Variants in HS3ST4 observed in about 807,000 individuals in gnomAD.
HS3ST4 encodes the protein heparan sulfate-glucosamine 3-sulfotransferase 4.
Under a neutral mutation model 29.2 loss-of-function variants are expected in HS3ST4, and 17 were observed. That is an observed-to-expected ratio of 0.58 (90% CI 0.40 to 0.87). The LOEUF is 0.87. Among genes scored for constraint, HS3ST4 ranks in the 40% least tolerant of loss-of-function variants. The pLI is 0.00. For synonymous variants in HS3ST4, 314 were observed against 285.7 expected, an observed-to-expected ratio of 1.10 and a Z score of -1.00; for missense variants, 627 against 634.5, an observed-to-expected ratio of 0.99 and a Z score of 0.13.
chr16:25,792,731 G>A (rs115810998), intron 1 of HS3ST4, among the ~76,000 whole-genome samples: 2,174 of 151,150 alleles, frequency 0.014, 51 homozygotes, highest in African/African-American at 0.049. Flanking sequence ...TTTTTTTTTA[G>A]GTGTTTATCA....
Position 25,693,044 on chromosome 16 carries a change from G to C in HS3ST4, c.627G>C (p.Gly209=). ...TCATCATCGGGGTCAAGAAAGGAGG[G>C]ACCCGCGCGCTGCTGGAGGCGATCC... ...QALIIGVKKG[G]TRALLEAIRV... is the part of the protein sequence containing the mutation. The change falls in exon 1 of 2, where the codon GGG becomes GGC. Residue 209 remains glycine (G), a synonymous_variant. Transcript: ENST00000331351. 4 of 1,611,210 alleles carry C rather than the reference G, an allele frequency of 2.5e-6. No homozygotes were observed. Among genetic ancestry groups the C allele is most frequent in the African/African-American group, 1.3e-5 (1 of 74,994 alleles).
At chr16:25,972,183 G>A (rs4430743) in intron 1 of HS3ST4, among the ~76,000 whole-genome samples, 16,481 of 152,210 alleles carry the variant, frequency 0.11, 966 homozygotes, top group Non-Finnish European at 0.12. Context: ...GCTGTTTAAC[G>A]GGTGGCTGTA....
rs1030903445 is a variant in HS3ST4, at chr16:25,886,073, C to T, written c.734+192922C>T. On this transcript the variant is annotated intron_variant, in intron 1 of 1. Transcript: ENST00000331351. ...TTTGAGACAGAGTCTCACTCTTTCA[C>T]CCAGGCTGGAGTGCAGGGGCATGAT... 2.5e-5 allele frequency among the ~76,000 whole-genome samples: 3 copies of T among 119,950 alleles called. No individual in the cohort carries two copies. In the Admixed American group the frequency reaches 3.2e-4, roughly 13 times the overall value. 78.7% of individuals were successfully genotyped at this position (119,950 alleles called of 152,430 possible). A position where few individuals can be genotyped will look rare whatever the true frequency, so the allele number is the denominator to read the frequency against.
chr16:25,867,618 T>C (rs1168182878), intron 1 of HS3ST4, among the ~76,000 whole-genome samples: 1 of 152,126 alleles, frequency 6.6e-6, no homozygotes, highest in African/African-American at 2.4e-5. Flanking sequence ...AATTGCTCAA[T>C]ACATACAAGG....
intron 1 of HS3ST4, among the ~76,000 whole-genome samples, chr16:26,050,010 T>G (rs963256354): frequency 2.0e-5 from 3 of 152,172 alleles, no homozygotes; most frequent in African/African-American, 7.2e-5. Flanking sequence ...CCCTGCCCTT[T>G]GGGTTTTAAA....
intron 1 of HS3ST4, among the ~76,000 whole-genome samples, chr16:26,089,649 A>G (rs557617074): frequency 6.6e-6 from 1 of 152,324 alleles, no homozygotes; most frequent in South Asian, 2.1e-4. Flanking sequence ...CTTCAGGAAA[A>G]GCCAGAGTTT....
intron 1 of HS3ST4, among the ~76,000 whole-genome samples, chr16:25,799,653 CT>C (rs1966911885): frequency 6.6e-6 from 1 of 152,084 alleles, no homozygotes; most frequent in Non-Finnish European, 1.5e-5. Context: ...CTTTGGTGGT[CT>C]TGGGCATATG....
In HS3ST4 at chr16:25,994,245, C is replaced by A. The variant is rs142171505; in HGVS notation, c.735-141367C>A. Among the ~76,000 whole-genome samples, 166 of 152,244 alleles carry A rather than the reference C, an allele frequency of 1.1e-3. 1 individual carries two copies. Among genetic ancestry groups the A allele is most frequent in the East Asian group, 3.5e-3 (18 of 5,182 alleles). The stretch of plus-strand genomic sequence containing the variant: ...TTAGTACCTTATTTTATTTAACTCT[C>A]TCAGCTTTATAATACGTTTTTCTTT... On this transcript the variant is annotated intron_variant, in intron 1 of 1. Transcript: ENST00000331351.
At chr16:25,928,633 T>C (rs1291560389) in intron 1 of HS3ST4, among the ~76,000 whole-genome samples, 1 of 152,160 alleles carries the variant, frequency 6.6e-6, no homozygotes, top group Non-Finnish European at 1.5e-5. Context: ...TGCCCCACTT[T>C]CTTAGTCATC....
At chr16:25,781,817 C>T (rs1966852865) in intron 1 of HS3ST4, among the ~76,000 whole-genome samples, 1 of 152,162 alleles carries the variant, frequency 6.6e-6, no homozygotes, top group African/African-American at 2.4e-5. Context: ...AGTTATCCTT[C>T]TTCTCTTTCG....
At chr16:26,064,922 G>A (rs1294705544) in intron 1 of HS3ST4, among the ~76,000 whole-genome samples, 2 of 152,258 alleles carry the variant, frequency 1.3e-5, no homozygotes, top group Non-Finnish European at 2.9e-5. Flanking sequence ...CAGCAGGATT[G>A]TAGTCTTAAT....
At chr16:25,716,943 A>G (rs993142282) in intron 1 of HS3ST4, among the ~76,000 whole-genome samples, 2 of 151,974 alleles carry the variant, frequency 1.3e-5, no homozygotes, top group African/African-American at 4.8e-5. Context: ...AATTCCAGCT[A>G]CTCGGGAGGC....
chr16:25,984,336 C>A (rs144553152), intron 1 of HS3ST4, among the ~76,000 whole-genome samples: 17 of 152,246 alleles, frequency 1.1e-4, no homozygotes, highest in African/African-American at 2.9e-4. Flanking sequence ...TCATAAGGAG[C>A]AGGCAACCTA....
chr16:26,113,792 GA>G (rs1899166882), intron 1 of HS3ST4, among the ~76,000 whole-genome samples: 1 of 151,890 alleles, frequency 6.6e-6, no homozygotes, highest in African/African-American at 2.4e-5. Flanking sequence ...CATATCTCTG[GA>G]ATGACATCTG....
intron 1 of HS3ST4, among the ~76,000 whole-genome samples, chr16:26,123,838 A>G (rs1245812983): frequency 6.6e-6 from 1 of 152,210 alleles, no homozygotes; most frequent in Non-Finnish European, 1.5e-5. Context: ...GCTGCAAAAG[A>G]CATTATTTTG....
At chr16:26,023,407 A>ATT (rs144386022) in intron 1 of HS3ST4, among the ~76,000 whole-genome samples, 1 of 149,588 alleles carries the variant, frequency 6.7e-6, no homozygotes, top group African/African-American at 2.5e-5. Flanking sequence ...ACTGTCTTAA[A>ATT]TTTTTTTTTT....
At chr16:25,984,616 T>C (rs1315871109) in intron 1 of HS3ST4, among the ~76,000 whole-genome samples, 2 of 152,212 alleles carry the variant, frequency 1.3e-5, no homozygotes, top group Admixed American at 6.5e-5. Context: ...TTTTTACTTC[T>C]AGGAGATCAC....
At chr16:25,916,266 C>T (rs1170868477) in intron 1 of HS3ST4, among the ~76,000 whole-genome samples, 3 of 152,208 alleles carry the variant, frequency 2.0e-5, no homozygotes, top group Middle Eastern at 3.2e-3. Context: ...AAGATGTGGC[C>T]ATGCAGGCTC....
intron 1 of HS3ST4, among the ~76,000 whole-genome samples, chr16:25,701,889 T>G (rs1567223008): frequency 6.6e-6 from 1 of 152,248 alleles, no homozygotes; most frequent in East Asian, 1.9e-4. Context: ...ATAATGTGAT[T>G]TATTGTTAAT....
Sources: gnomAD v4.1 joint callset for allele counts (sites outside exome capture counted in the v4.1 genomes callset) on GRCh38, gnomAD v4.1.1 for gene constraint, MANE v1.5 for transcripts, NCBI Gene and HGNC (gene_info 2026-07-23, HGNC 2026-07-21) for gene names.